Variants in SLC25A20 observed in about 807,000 individuals in gnomAD.
SLC25A20 encodes mitochondrial carnitine/acylcarnitine carrier protein.
Under a neutral mutation model 39.7 loss-of-function variants are expected in SLC25A20, and 29 were observed. The ratio of observed to expected loss-of-function variants is 0.73; its 90% CI spans 0.54 to 1.00. The LOEUF is 1.00. SLC25A20 is among the 50% of genes least tolerant of loss of function. SLC25A20 has a pLI of 0.00. For synonymous variants in SLC25A20, 103 were observed against 142.2 expected (o/e 0.72, Z 1.96); for missense variants, 333 against 379.9 (o/e 0.88, Z 1.03).
rs541692354 is a variant in SLC25A20 at position 48,858,156 on chromosome 3, C to T, written c.843+351G>A. Among the ~76,000 whole-genome samples, 14 of 151,974 alleles carry T rather than the reference C, an allele frequency of 9.2e-5. No homozygotes were observed. The South Asian group carries it at 2.7e-3, about 29-fold the overall frequency. ...CTAATTTTTGTATTTTTAGTAGAGG[C>T]GGTGTTTCCCCATGTTGGCCAAGCT... is the stretch of plus-strand genomic sequence containing the variant. On this transcript the variant is annotated intron_variant, in intron 8 of 8. Coordinates refer to ENST00000319017, the MANE Select transcript of SLC25A20 (RefSeq NM_000387.6).
intron 1 of SLC25A20, 42 bp downstream of exon 1, chr3:48,898,648 C>T: frequency 6.5e-7 from 1 of 1,542,310 alleles, no homozygotes; most frequent in East Asian, 2.4e-5. Flanking sequence ...CCGCGCCCCG[C>T]CCGGGCCTCC....
intron 3 of SLC25A20, among the ~76,000 whole-genome samples, chr3:48,882,718 A>G (rs951361135): frequency 2.0e-5 from 3 of 152,032 alleles, no homozygotes; most frequent in African/African-American, 4.8e-5. Flanking sequence ...CACACCGACC[A>G]TTGCTAAAAA....
At chr3:48,860,139 A>G (rs2083613155) in intron 5 of SLC25A20, among the ~76,000 whole-genome samples, 1 of 151,870 alleles carries the variant, frequency 6.6e-6, no homozygotes, top group Non-Finnish European at 1.5e-5. Context: ...CGTCTCTACT[A>G]AAAATATAAA....
rs1178329825 is a variant in SLC25A20 at position 48,859,701 on chromosome 3, C to T, written c.536-74G>A. 4 of 1,207,624 alleles carry T rather than the reference C, an allele frequency of 3.3e-6. No individual in the cohort carries two copies. The African/African-American group carries it at 4.5e-5, about 14-fold the overall frequency. 74.8% of individuals were successfully genotyped at this position (1,207,624 alleles called of 1,614,324 possible). ...AGGCATGGTGGTACACACCTGTAAT[C>T]TCAGCAATTTAGGAGATTGAGGCAG... is the stretch of plus-strand genomic sequence containing the variant. On this transcript the variant is annotated intron_variant, in intron 5 of 8. Coordinates refer to ENST00000319017, the MANE Select transcript of SLC25A20 (RefSeq NM_000387.6).
intron 4 of SLC25A20, among the ~76,000 whole-genome samples, chr3:48,871,168 C>T (rs1327730442): frequency 6.6e-6 from 1 of 151,828 alleles, no homozygotes; most frequent in Non-Finnish European, 1.5e-5. Flanking sequence ...TACCATTCTT[C>T]CTGGATTGGA....
At chr3:48,880,236 G>A (rs904899931) in intron 3 of SLC25A20, among the ~76,000 whole-genome samples, 3 of 152,082 alleles carry the variant, frequency 2.0e-5, no homozygotes, top group Admixed American at 6.6e-5. Flanking sequence ...ACAGCTGTCT[G>A]TGCCACCTCT....
chr3:48,896,563 T>A (rs1456967281), intron 1 of SLC25A20, among the ~76,000 whole-genome samples: 1 of 151,984 alleles, frequency 6.6e-6, no homozygotes. Context: ...CAGGCTGGAG[T>A]GCAATGGCAC....
Position 48,891,999 on chromosome 3 carries a change from C to T in SLC25A20, c.179G>A (p.Arg60Gln), listed in dbSNP as rs761233598. 2.3e-5 allele frequency: 37 copies of T among 1,613,670 alleles called. 1 individual carries two copies. The East Asian group carries it at 6.5e-4, about 28-fold the overall frequency. ...PMYSGTFDCF[R>Q]KTLFREGITG... is the part of the protein sequence containing the mutation. ...ACCAACCTCTCTAAAAAGAGTCTTC[C>T]GGAAACAGTCAAAGGTCCCAGAGTA... Residue 60 changes from arginine to glutamine, a missense_variant, in exon 2 of 9, where the codon CGG (arginine) becomes CAG (glutamine). By Grantham distance (43) the Arg-to-Gln change is conservative. Transcript: ENST00000319017.
intron 4 of SLC25A20, among the ~76,000 whole-genome samples, chr3:48,870,552 CTTTTTCTT>C (rs1177038508): frequency 1.4e-5 from 2 of 143,282 alleles, no homozygotes; most frequent in African/African-American, 5.1e-5. Context: ...TCAAATTTTT[CTTTTTCTT>C]TTTTTTTTTT....
chr3:48,883,610 C>T (rs1339059227), intron 3 of SLC25A20, among the ~76,000 whole-genome samples: 1 of 142,432 alleles, frequency 7.0e-6, no homozygotes, highest in African/African-American at 2.5e-5. Context: ...GGAAGACCCA[C>T]CAAGGTCCTT....
intron 4 of SLC25A20, 92 bp from the exon 5 acceptor site, chr3:48,862,751 G>A (rs1278251367): frequency 1.2e-6 from 1 of 812,378 alleles, no homozygotes; most frequent in Non-Finnish European, 2.2e-6. Context: ...TGGCCATTAT[G>A]TGTTACAGCA....
intron 1 of SLC25A20, among the ~76,000 whole-genome samples, chr3:48,897,444 C>G (rs2083918691): frequency 6.8e-6 from 1 of 147,098 alleles, no homozygotes; most frequent in Admixed American, 7.0e-5. Context: ...GGACCAAGAG[C>G]AGGAAGAAAG....
chr3:48,857,705 C>G lies in SLC25A20; in HGVS notation c.*5G>C. 6.2e-7 allele frequency: 1 copy of G among 1,613,568 alleles called. No individual in the cohort carries two copies. The highest frequency in any genetic ancestry group is 2.2e-5 in the East Asian group (1 of 44,874). ...TCCAGAAGTGAACTTGAGCAGCCTT[C>G]AGCCTCACAAGTTGGGGGTGGCCCA... On this transcript the variant is annotated 3_prime_UTR_variant, in exon 9 of 9. Coordinates refer to ENST00000319017, the MANE Select transcript of SLC25A20 (RefSeq NM_000387.6).
intron 8 of SLC25A20, among the ~76,000 whole-genome samples, chr3:48,858,216 C>T (rs939934650): frequency 2.0e-5 from 3 of 152,022 alleles, no homozygotes; most frequent in African/African-American, 7.2e-5. Flanking sequence ...GATCCACCTG[C>T]CTTAGCCTCC....
At chr3:48,898,599 T>C (rs1268626436) in intron 1 of SLC25A20, 91 bp downstream of exon 1, 17 of 1,200,486 alleles carry the variant, frequency 1.4e-5, no homozygotes, top group Non-Finnish European at 2.0e-5. Flanking sequence ...CATGCCCCTC[T>C]TCTGCCCAGC....
chr3:48,865,417 C>T (rs116134291), intron 4 of SLC25A20, among the ~76,000 whole-genome samples: 262 of 151,858 alleles, frequency 1.7e-3, no homozygotes, highest in African/African-American at 6.2e-3. Flanking sequence ...TGAGCCACAG[C>T]GCCCACAGAG....
Position 48,862,600 on chromosome 3 carries a change from C to T in SLC25A20, c.477G>A (p.Leu159=). 1 of 1,614,116 alleles carries T rather than the reference C, an allele frequency of 6.2e-7. No homozygotes were observed. The highest frequency in any genetic ancestry group is 8.5e-7 in the Non-Finnish European group (1 of 1,179,970). The change falls in exon 5 of 9, where the codon CTG becomes CTA. Residue 159 remains leucine, a synonymous_variant. Coordinates refer to ENST00000319017, the MANE Select transcript of SLC25A20 (RefSeq NM_000387.6). ...TGCCTCGGATCCCAAACTCCTGGTA[C>T]AGCTTCTTTGCACAGTCCAAGGTAC... The part of the protein sequence containing the change: ...YTGTLDCAKK[L]YQEFGIRGIY...
At chr3:48,860,985 C>T (rs1184592590) in intron 5 of SLC25A20, among the ~76,000 whole-genome samples, 1 of 151,650 alleles carries the variant, frequency 6.6e-6, no homozygotes, top group Non-Finnish European at 1.5e-5. Context: ...TGCGCCACCA[C>T]GCCCGGCTAA....
At chr3:48,861,793 G>A (rs186886238) in intron 5 of SLC25A20, among the ~76,000 whole-genome samples, 16 of 149,990 alleles carry the variant, frequency 1.1e-4, no homozygotes, top group Non-Finnish European at 1.8e-4. Context: ...TTGGGAGGCC[G>A]AGGCAGGTGC....
Sources: allele counts gnomAD v4.1 joint callset (sites outside exome capture counted in the v4.1 genomes callset), GRCh38; gene constraint gnomAD v4.1.1; transcripts MANE v1.5; gene names NCBI Gene and HGNC (gene_info 2026-07-23, HGNC 2026-07-21).